The following WDR27 variants were observed in gnomAD, a reference collection of about 807,000 sequenced individuals.
WDR27 encodes the protein WD repeat-containing protein 27.
A neutral mutation model predicts 114.4 loss-of-function variants in WDR27; 100 were observed. The observed-to-expected ratio is 0.87, with a 90% CI of 0.74 to 1.03. The LOEUF (loss-of-function observed/expected upper bound fraction) is 1.03, where lower values mean the gene tolerates loss of function less well. WDR27 is among the 50% of genes least tolerant of loss of function. WDR27 has a pLI of 0.00. For synonymous variants in WDR27, 449 were observed against 423.1 expected (o/e 1.06, Z -0.75); for missense variants, 1,129 against 1,092.9 (o/e 1.03, Z -0.47).
intron 22 of WDR27, among the ~76,000 whole-genome samples, chr6:169,612,346 G>A (rs1383176226): frequency 6.6e-6 from 1 of 152,234 alleles, no homozygotes; most frequent in Non-Finnish European, 1.5e-5. Context: ...CGTGAAGCCA[G>A]GAGGCGGAGC....
At chr6:169,572,267 G>T (rs755244730) in intron 25 of WDR27, among the ~76,000 whole-genome samples, 152 bp downstream of exon 25, 1 of 152,088 alleles carries the variant, frequency 6.6e-6, no homozygotes, top group South Asian at 2.1e-4. Context: ...TGGGCCGGGC[G>T]TGGTGGCTCA....
At chr6:169,655,340 A>G (rs1392737951) in intron 13 of WDR27, among the ~76,000 whole-genome samples, 1 of 152,240 alleles carries the variant, frequency 6.6e-6, no homozygotes, top group East Asian at 1.9e-4. Flanking sequence ...AGCTGCCCGC[A>G]CAGAAGATCA....
chr6:169,652,119 G>A (rs898628707), intron 13 of WDR27, 111 bp from the exon 14 acceptor site: 1 of 911,648 alleles, frequency 1.1e-6, no homozygotes, highest in Admixed American at 2.8e-5. Context: ...CAAACAGAAT[G>A]AATTCCTGAC....
chr6:169,586,847 CAA>C (rs3029697), intron 23 of WDR27, among the ~76,000 whole-genome samples: 449 of 31,942 alleles, frequency 0.014, 1 homozygote, highest in African/African-American at 0.051. Flanking sequence ...GACTCTGTCT[CAA>C]AAAAAAAAAA....
At chr6:169,505,952 C>G (rs1247124173) in intron 25 of WDR27, among the ~76,000 whole-genome samples, 2 of 152,330 alleles carry the variant, frequency 1.3e-5, no homozygotes, top group East Asian at 3.9e-4. Flanking sequence ...ACATGCACCA[C>G]TTCAGTCAGT....
At chr6:169,439,921 A>G in the WDR27 span, among the ~76,000 whole-genome samples, 1 of 149,114 alleles carries the variant, frequency 6.7e-6, no homozygotes, top group African/African-American at 2.5e-5. Flanking sequence ...TATTACCAAT[A>G]TTATTATATT....
chr6:169,589,373 C>G (rs755656346), intron 23 of WDR27, among the ~76,000 whole-genome samples: 19 of 152,196 alleles, frequency 1.2e-4, no homozygotes, highest in African/African-American at 3.4e-4. Context: ...TGCCCCAATT[C>G]TATAGACAAG....
At chr6:169,555,217 G>A (rs1177249579) in intron 25 of WDR27, among the ~76,000 whole-genome samples, 1 of 152,202 alleles carries the variant, frequency 6.6e-6, no homozygotes, top group Admixed American at 6.5e-5. Flanking sequence ...AGACACCAAG[G>A]TCTGACGTTA....
intron 23 of WDR27, among the ~76,000 whole-genome samples, chr6:169,583,479 G>GTA (rs1803888738): frequency 7.9e-5 from 1 of 12,698 alleles, no homozygotes; most frequent in African/African-American, 1.8e-4. Flanking sequence ...GTGTGTGTGT[G>GTA]TATATATACA....
chr6:169,498,822 C>G (rs771441957), intron 25 of WDR27, among the ~76,000 whole-genome samples: 2 of 152,062 alleles, frequency 1.3e-5, no homozygotes, highest in Admixed American at 6.5e-5. Context: ...GTTATGGATG[C>G]GGGTGGGGGA....
At chr6:169,668,401 T>C (rs1828487380) in intron 4 of WDR27, among the ~76,000 whole-genome samples, 1 of 152,146 alleles carries the variant, frequency 6.6e-6, no homozygotes, top group African/African-American at 2.4e-5. Context: ...GGCTGCCCCA[T>C]GCATCTGCCC....
In WDR27 at chr6:169,649,235, C is replaced by T; in HGVS notation, c.1522G>A (p.Gly508Arg). 1 of 1,578,892 alleles carries T rather than the reference C, an allele frequency of 6.3e-7. No individual in the cohort carries two copies. The highest frequency in any genetic ancestry group is 8.6e-7 in the Non-Finnish European group (1 of 1,161,660). The change falls in exon 15 of 26, where the codon GGG becomes AGG. Residue 508 changes from glycine to arginine, a missense_variant. Gly to Arg is a moderately radical substitution (Grantham distance 125, BLOSUM62 -2). Transcript: ENST00000448612. ...CTCCTGCTCCTTGAAGATCCTTTCC[C>T]CTCACTCTTGATGTTGGTCTTTGGT... ...FSPKTNIKSE[G>R]KGSSRSRSSC...
chr6:169,519,939 A>C (rs981964392), intron 25 of WDR27, among the ~76,000 whole-genome samples: 6 of 152,128 alleles, frequency 3.9e-5, no homozygotes, highest in South Asian at 4.1e-4. Flanking sequence ...TACACACACA[A>C]AAAAGTGAGA....
chr6:169,700,657 A>G (rs1174591657), intron 1 of WDR27, among the ~76,000 whole-genome samples: 1 of 152,178 alleles, frequency 6.6e-6, no homozygotes, highest in Non-Finnish European at 1.5e-5. Context: ...CTGACTAGAA[A>G]CCGCTACACA....
intron 8 of WDR27, among the ~76,000 whole-genome samples, chr6:169,662,739 A>C (rs1352236371): frequency 1.0e-5 from 1 of 97,342 alleles, no homozygotes; most frequent in Non-Finnish European, 2.0e-5. Context: ...CGGAGTACTC[A>C]GATCACGTGT....
chr6:169,634,467 C>T lies in WDR27; in HGVS notation c.2062G>A (p.Asp688Asn). 1 of 1,613,366 alleles carries T rather than the reference C, an allele frequency of 6.2e-7. No homozygotes were observed. Residue 688 changes from aspartate (D) to asparagine (N), a missense_variant, in exon 20 of 26, where the codon GAC becomes AAC. Coordinates refer to ENST00000448612, the MANE Select transcript of WDR27 (RefSeq NM_182552.5). ...TTGACTGCCGATAAACTGGTCATGT[C>T]TACTGCACCCGTCGTGGAGAGCCTG... ...ICRLSTTGAV[D>N]MTSLSAVNDF...
At chr6:169,660,632 A>C (rs761461045) in intron 10 of WDR27, 31 bp downstream of exon 10, 1 of 1,563,828 alleles carries the variant, frequency 6.4e-7, no homozygotes, top group South Asian at 1.1e-5. Flanking sequence ...AAAACATTAC[A>C]GTTACATGGC....
chr6:169,650,496 C>G (rs1253077038), intron 14 of WDR27, among the ~76,000 whole-genome samples: 1 of 150,366 alleles, frequency 6.7e-6, no homozygotes, highest in Non-Finnish European at 1.5e-5. Flanking sequence ...TCTCTCCATC[C>G]CTCCATCCCC....
chr6:169,577,080 G>T (rs903918536), intron 24 of WDR27, among the ~76,000 whole-genome samples: 1 of 124,240 alleles, frequency 8.0e-6, no homozygotes, highest in African/African-American at 3.5e-5. Context: ...TGCTCAAAAA[G>T]AAAAGGAAAA....
Sources: gnomAD v4.1 joint callset for allele counts (sites outside exome capture counted in the v4.1 genomes callset) on GRCh38, gnomAD v4.1.1 for gene constraint, MANE v1.5 for transcripts, NCBI Gene and HGNC (gene_info 2026-07-23, HGNC 2026-07-21) for gene names.